NCK2: variants seen among roughly 807,000 people sequenced by gnomAD.
NCK2 encodes the protein NCK adaptor protein 2.
NCK2 carries 16 observed loss-of-function variants against 33.9 expected under a neutral mutation model. The ratio of observed to expected loss-of-function variants is 0.47; its 90% CI spans 0.32 to 0.72. The LOEUF is 0.72. NCK2 is among the 30% of genes least tolerant of loss of function. NCK2 has a pLI of 0.03. For missense variants in NCK2, 418 were observed against 537.3 expected, an observed-to-expected ratio of 0.78 and a Z score of 2.19; for synonymous variants, 273 against 239.9, an observed-to-expected ratio of 1.14 and a Z score of -1.27.
At chr2:105,864,018 G>A (rs1364031791) in intron 3 of NCK2, among the ~76,000 whole-genome samples, 1 of 152,136 alleles carries the variant, frequency 6.6e-6, no homozygotes, top group Non-Finnish European at 1.5e-5. Flanking sequence ...AAGTGAGGAT[G>A]TGAAGACGGA....
chr2:105,871,821 A>G (rs115850662), intron 3 of NCK2, among the ~76,000 whole-genome samples: 1,990 of 152,218 alleles, frequency 0.013, 48 homozygotes, highest in African/African-American at 0.045. Context: ...AAGCTAAACT[A>G]CTAGAGGTAA....
intron 1 of NCK2, among the ~76,000 whole-genome samples, chr2:105,771,192 G>T (rs900477445): frequency 3.3e-5 from 5 of 152,044 alleles, no homozygotes; most frequent in East Asian, 2.0e-4. Context: ...AAAGTGCTGG[G>T]ATTACAGGCG....
At chr2:105,848,977 A>G (rs1676956704) in intron 2 of NCK2, among the ~76,000 whole-genome samples, 1 of 152,236 alleles carries the variant, frequency 6.6e-6, no homozygotes, top group Admixed American at 6.5e-5. Context: ...ATAGACAAAT[A>G]TATTTTGGTA....
intron 1 of NCK2, among the ~76,000 whole-genome samples, chr2:105,760,717 T>C (rs1183430024): frequency 2.0e-5 from 3 of 151,956 alleles, no homozygotes; most frequent in African/African-American, 7.3e-5. Flanking sequence ...AACCCTATTG[T>C]GGAAAGGCCA....
At chr2:105,859,466 C>T (rs2104596305) in intron 3 of NCK2, among the ~76,000 whole-genome samples, 1 of 152,320 alleles carries the variant, frequency 6.6e-6, no homozygotes, top group East Asian at 1.9e-4. Context: ...AACAGGACCA[C>T]ACCTAGGCCT....
intron 1 of NCK2, among the ~76,000 whole-genome samples, chr2:105,809,705 T>C (rs1675217663): frequency 6.6e-6 from 1 of 152,196 alleles, no homozygotes; most frequent in Non-Finnish European, 1.5e-5. Context: ...TAATCAGTAC[T>C]ATATAAGCAC....
intron 1 of NCK2, among the ~76,000 whole-genome samples, chr2:105,812,280 C>T (rs562578614): frequency 2.6e-5 from 4 of 152,332 alleles, no homozygotes; most frequent in African/African-American, 9.6e-5. Flanking sequence ...TCTCCTTGGA[C>T]ACCTTTGAGT....
In NCK2 at chr2:105,775,248, T is replaced by C. The variant is rs183529055; in HGVS notation, c.-201+30110T>C. The stretch of plus-strand genomic sequence containing the variant: ...CCTAATCAATGAGAATTTGCCTGTT[T>C]CTTTGTGGATTTTTAATTTTTCATG... On this transcript the variant is annotated intron_variant, in intron 1 of 4. Coordinates refer to ENST00000233154, the MANE Select transcript of NCK2 (RefSeq NM_003581.5). 3.3e-5 allele frequency among the ~76,000 whole-genome samples: 5 copies of C among 152,314 alleles called. No individual in the cohort carries two copies. In the East Asian group the frequency reaches 9.6e-4, roughly 29 times the overall value.
intron 1 of NCK2, among the ~76,000 whole-genome samples, 153 bp from the exon 2 acceptor site, chr2:105,816,277 G>A (rs1472057790): frequency 6.6e-6 from 1 of 152,148 alleles, no homozygotes; most frequent in East Asian, 1.9e-4. Flanking sequence ...CCACACTCCA[G>A]CCTGGGTGAC....
chr2:105,848,924 A>C (rs1028561685), intron 2 of NCK2, among the ~76,000 whole-genome samples: 5 of 152,168 alleles, frequency 3.3e-5, no homozygotes, highest in African/African-American at 1.2e-4. Context: ...ATATAGACTC[A>C]ATTTTTTTTC....
chr2:105,745,833 C>CT (rs1192005867), intron 1 of NCK2: 2 of 152,206 alleles, frequency 1.3e-5, no homozygotes. Flanking sequence ...GCTCGGCTCT[C>CT]TCGGTTTTTT....
chr2:105,850,407 T>C (rs1677021089), intron 2 of NCK2, among the ~76,000 whole-genome samples: 1 of 152,188 alleles, frequency 6.6e-6, no homozygotes, highest in Non-Finnish European at 1.5e-5. Context: ...ATCCTATTTG[T>C]TTTTAAACCC....
rs192442567 is a variant in NCK2 at position 105,806,619 on chromosome 2, A to G, written c.-200-9811A>G. ...GCCACTTTTAAATGGAAAATTTTAA[A>G]TTTCCTTTTTATTCCACATTTGATG... is the stretch of plus-strand genomic sequence containing the variant. On this transcript the variant is annotated intron_variant, in intron 1 of 4. Transcript: ENST00000233154. 1.7e-4 allele frequency among the ~76,000 whole-genome samples: 26 copies of G among 152,230 alleles called. No homozygotes were observed. The East Asian group carries it at 5.0e-3, about 29-fold the overall frequency.
In NCK2 at chr2:105,804,420, C is replaced by T. The variant is rs116299309; in HGVS notation, c.-200-12010C>T. ...TTAAAAGGCTAGGCATGTAGGTTTT[C>T]ATGCTCTTGTCTGGTTTTGGCTTTG... On this transcript the variant is annotated intron_variant, in intron 1 of 4. Coordinates refer to ENST00000233154, the MANE Select transcript of NCK2 (RefSeq NM_003581.5). Among the ~76,000 whole-genome samples the T allele has an allele frequency of 5.4e-3, 830 of 152,318 alleles. 4 individuals are homozygous for T. Among genetic ancestry groups the T allele is most frequent in the Admixed American group, 9.6e-3 (147 of 15,302 alleles).
chr2:105,790,366 A>G lies in NCK2; in HGVS notation c.-200-26064A>G, dbSNP rs572820442. 1.4e-4 allele frequency among the ~76,000 whole-genome samples: 22 copies of G among 152,290 alleles called. No individual in the cohort carries two copies. The East Asian group carries it at 3.9e-3, about 27-fold the overall frequency. ...ACAGTTGCTGAGCCCTGGGCTTCTCAATGCCATAGGCTGGCAAGTAGCCTG... is the reference window on the plus strand; with the variant it reads ...ACAGTTGCTGAGCCCTGGGCTTCTCGATGCCATAGGCTGGCAAGTAGCCTG... On this transcript the variant is annotated intron_variant, in intron 1 of 4. Transcript: ENST00000233154.
chr2:105,806,288 A>G (rs1675037095), intron 1 of NCK2, among the ~76,000 whole-genome samples: 1 of 141,674 alleles, frequency 7.1e-6, no homozygotes, highest in African/African-American at 2.7e-5. Flanking sequence ...CCCAGTCTGC[A>G]GTGCAGTGGC....
Position 105,835,876 on chromosome 2 carries a change from A to G in NCK2, c.-16-19172A>G, listed in dbSNP as rs1013712556. ...AGGATATTTCAAAAGACCTGTCTCT[A>G]TGTTCAGAAATTCTTTCTTCTGCTT... On this transcript the variant is annotated intron_variant, in intron 2 of 4. Transcript: ENST00000233154. Among the ~76,000 whole-genome samples, 28 of 151,788 alleles carry G rather than the reference A, an allele frequency of 1.8e-4. No individual in the cohort carries two copies. In the Middle Eastern group the frequency reaches 0.014, roughly 75 times the overall value.
chr2:105,762,631 C>T (rs1167165198), intron 1 of NCK2, among the ~76,000 whole-genome samples: 1 of 152,110 alleles, frequency 6.6e-6, no homozygotes, highest in Non-Finnish European at 1.5e-5. Context: ...TATTTCCTTC[C>T]TGCATGAATG....
intron 2 of NCK2, among the ~76,000 whole-genome samples, chr2:105,849,745 T>TA (rs1676990587): frequency 6.6e-6 from 1 of 152,148 alleles, no homozygotes; most frequent in African/African-American, 2.4e-5. Context: ...GGGCCTGTCT[T>TA]ACTCTGCAAG....
Sources: allele counts gnomAD v4.1 joint callset (sites outside exome capture counted in the v4.1 genomes callset), GRCh38; gene constraint gnomAD v4.1.1; transcripts MANE v1.5; gene names NCBI Gene and HGNC (gene_info 2026-07-23, HGNC 2026-07-21).